The following CRB1 variants were observed in gnomAD, a reference collection of about 807,000 sequenced individuals.
CRB1 encodes the protein protein crumbs homolog 1.
In CRB1, 83 loss-of-function variants were observed where a neutral mutation model predicts 120.0. That is an observed-to-expected ratio of 0.69 (90% CI 0.58 to 0.83). The LOEUF (loss-of-function observed/expected upper bound fraction) is 0.83, where lower values mean the gene tolerates loss of function less well. Ranked by LOEUF, CRB1 falls within the 40% of genes least tolerant of loss-of-function variation. The pLI, the probability that CRB1 is intolerant of heterozygous loss-of-function variation, is 0.00. For synonymous variants in CRB1, 625 were observed against 612.5 expected (o/e 1.02, Z -0.30); for missense variants, 1,699 against 1,687.6 (o/e 1.01, Z -0.12).
chr1:197,471,506 C>A (rs909585935), intron 11 of CRB1, among the ~76,000 whole-genome samples: 1 of 152,166 alleles, frequency 6.6e-6, no homozygotes, highest in African/African-American at 2.4e-5. Flanking sequence ...CTCCCCTGTT[C>A]CCTGCTGTCG....
chr1:197,329,100 G>T (rs1230350785), intron 2 of CRB1, 97 bp downstream of exon 2: 1 of 1,086,290 alleles, frequency 9.2e-7, no homozygotes, highest in African/African-American at 1.6e-5. Context: ...AATCATTTAT[G>T]AAAATGGCCA....
At chr1:197,364,255 G>C (rs1660944096) in intron 5 of CRB1, among the ~76,000 whole-genome samples, 1 of 152,236 alleles carries the variant, frequency 6.6e-6, no homozygotes, top group Admixed American at 6.5e-5. Context: ...AAAAGAAAAA[G>C]AAAAGTGGCG....
At chr1:197,238,632 C>T in the CRB1 span, among the ~76,000 whole-genome samples, 2 of 151,938 alleles carry the variant, frequency 1.3e-5, no homozygotes, top group African/African-American at 4.8e-5. Flanking sequence ...GCTCACTTGA[C>T]GTCAGGAGTT....
At chr1:197,260,368 A>G in the CRB1 span, among the ~76,000 whole-genome samples, 1 of 152,158 alleles carries the variant, frequency 6.6e-6, no homozygotes, top group African/African-American at 2.4e-5. Flanking sequence ...TAAAATTAAA[A>G]CTGTAAGTTA....
intron 11 of CRB1, among the ~76,000 whole-genome samples, chr1:197,458,788 A>G (rs1024014667): frequency 2.0e-4 from 31 of 152,182 alleles, no homozygotes; most frequent in African/African-American, 7.2e-5. Flanking sequence ...TCTTATGACA[A>G]TACTTTCAAG....
At chr1:197,281,506 G>C (rs555062652) in intron 1 of CRB1, among the ~76,000 whole-genome samples, 2 of 151,858 alleles carry the variant, frequency 1.3e-5, no homozygotes, top group African/African-American at 4.8e-5. Flanking sequence ...TGCCATGAAG[G>C]GGGGTTGAAA....
chr1:197,304,339 T>C (rs1657046438), intron 1 of CRB1: 1 of 905,862 alleles, frequency 1.1e-6, no homozygotes, highest in Non-Finnish European at 1.3e-6. Context: ...GATTTTGATT[T>C]TGAATAACAT....
At chr1:197,296,077 G>A (rs936195495) in intron 1 of CRB1, among the ~76,000 whole-genome samples, 11 of 152,012 alleles carry the variant, frequency 7.2e-5, no homozygotes, top group Non-Finnish European at 1.2e-4. Context: ...CTGAGTTCTA[G>A]AACTGTCTAA....
chr1:197,243,884 T>C, the CRB1 span, among the ~76,000 whole-genome samples: 7 of 152,320 alleles, frequency 4.6e-5, no homozygotes, highest in South Asian at 1.4e-3. Context: ...ATATTTAGGA[T>C]AGTTAGCTCT....
intron 1 of CRB1, among the ~76,000 whole-genome samples, chr1:197,315,770 T>G (rs1011882380): frequency 1.3e-5 from 2 of 152,250 alleles, no homozygotes; most frequent in Non-Finnish European, 2.9e-5. Flanking sequence ...TTGCTCTTAT[T>G]TGAGTGACTA....
At chr1:197,415,641 C>CTTTTTTTTTTTTTTTTTTTTTTTTTTT (rs55654070) in intron 5 of CRB1, among the ~76,000 whole-genome samples, 1 of 94,012 alleles carries the variant, frequency 1.1e-5, no homozygotes, top group Non-Finnish European at 1.9e-5. Flanking sequence ...TTTTTCTTTT[C>CTTTTTTTTTTTTTTTTTTTTTTTTTTT]TTTTTTTTTT....
upstream of CRB1, among the ~76,000 whole-genome samples, chr1:197,265,318 C>T (rs1042197470): frequency 2.0e-5 from 3 of 148,884 alleles, no homozygotes; most frequent in Non-Finnish European, 4.4e-5. Flanking sequence ...TCCTTTCTTT[C>T]TTCCTTCCTT....
At position 197,324,546 on chromosome 1, in the gene CRB1, C is replaced by T. The variant is rs183904979; in HGVS notation, c.71-3876C>T. ...GATAATGCTCACTCTGTGCCAAGCC[C>T]TGTTAGGCATTTTATGTTCATTAAT... On this transcript the variant is annotated intron_variant, in intron 1 of 11. Coordinates refer to ENST00000367400, the MANE Select transcript of CRB1 (RefSeq NM_201253.3). 5.7e-3 allele frequency among the ~76,000 whole-genome samples: 862 copies of T among 152,194 alleles called. 9 individuals are homozygous for T. The highest frequency in any genetic ancestry group is 0.019 in the African/African-American group (783 of 41,526).
chr1:197,211,548 A>T, the CRB1 span, among the ~76,000 whole-genome samples: 1 of 152,176 alleles, frequency 6.6e-6, no homozygotes. Flanking sequence ...ATGTGGCAGA[A>T]GGCAGAAGGC....
chr1:197,325,406 G>A (rs895651500), intron 1 of CRB1, among the ~76,000 whole-genome samples: 3 of 151,970 alleles, frequency 2.0e-5, no homozygotes, highest in Non-Finnish European at 1.5e-5. Context: ...TTATAAAATC[G>A]TCAGTCTTCT....
intron 11 of CRB1, among the ~76,000 whole-genome samples, chr1:197,448,270 T>G (rs1665796642): frequency 6.6e-6 from 1 of 152,216 alleles, no homozygotes; most frequent in Admixed American, 6.5e-5. Context: ...AAAACAACTT[T>G]AAGAGGATTT....
intron 5 of CRB1, chr1:197,360,541 T>A (rs1660718728): frequency 6.6e-6 from 1 of 152,256 alleles, no homozygotes; most frequent in South Asian, 2.1e-4. Context: ...GTAACTCCAA[T>A]ACTAAAATGC....
chr1:197,204,945 T>G, the CRB1 span, among the ~76,000 whole-genome samples: 1 of 152,174 alleles, frequency 6.6e-6, no homozygotes, highest in African/African-American at 2.4e-5. Flanking sequence ...TGAGTTAATT[T>G]TTTTATAAGG....
At chr1:197,471,002 C>G (rs1666954854) in intron 11 of CRB1, among the ~76,000 whole-genome samples, 2 of 152,114 alleles carry the variant, frequency 1.3e-5, no homozygotes, top group Admixed American at 6.5e-5. Context: ...AAACATATAT[C>G]CTTATGTTAC....
Sources: gnomAD v4.1 joint callset for allele counts (sites outside exome capture counted in the v4.1 genomes callset) on GRCh38, gnomAD v4.1.1 for gene constraint, MANE v1.5 for transcripts, NCBI Gene and HGNC (gene_info 2026-07-23, HGNC 2026-07-21) for gene names.